Variants in CACNG3 observed in about 807,000 individuals in gnomAD.
CACNG3 encodes the protein calcium voltage-gated channel auxiliary subunit gamma 3.
CACNG3 carries 3 observed loss-of-function variants against 28.5 expected under a neutral mutation model. The observed-to-expected ratio is 0.11, with a 90% CI of 0.05 to 0.27. The LOEUF (loss-of-function observed/expected upper bound fraction) is 0.27. CACNG3 is among the 10% of genes least tolerant of loss of function. The probability of loss-of-function intolerance (pLI) is 1.00; values close to 1 mark genes in which losing one functional copy is unlikely to be tolerated. For missense variants in CACNG3, 236 were observed against 414.4 expected (o/e 0.57, Z 3.74); for synonymous variants, 174 against 162.2 (o/e 1.07, Z -0.55).
intron 1 of CACNG3, among the ~76,000 whole-genome samples, chr16:24,306,882 C>A (rs958732017): frequency 1.3e-5 from 2 of 152,122 alleles, no homozygotes; most frequent in South Asian, 4.1e-4. Flanking sequence ...AGTAAGAGAT[C>A]AAGACTGGCC....
At chr16:24,261,581 T>A (rs1312324288) in intron 1 of CACNG3, among the ~76,000 whole-genome samples, 1 of 152,244 alleles carries the variant, frequency 6.6e-6, no homozygotes, top group Non-Finnish European at 1.5e-5. Flanking sequence ...ATAGCACTTT[T>A]AATATGAATT....
chr16:24,298,117 T>A (rs1244854490), intron 1 of CACNG3, among the ~76,000 whole-genome samples: 1 of 152,148 alleles, frequency 6.6e-6, no homozygotes, highest in Non-Finnish European at 1.5e-5. Flanking sequence ...ATAATTATCT[T>A]TATATTCTCT....
intron 1 of CACNG3, among the ~76,000 whole-genome samples, chr16:24,265,359 GAAAGAAAGAAA>G (rs1297747124): frequency 2.8e-4 from 36 of 129,934 alleles, no homozygotes; most frequent in African/African-American, 4.9e-4. Flanking sequence ...AGGAAAGAAA[GAAAGAAAGAAA>G]AAAGAAAGAA....
intron 1 of CACNG3, among the ~76,000 whole-genome samples, chr16:24,317,665 A>AAAGAAAGAAAGAAAG (rs1899394590): frequency 1.1e-5 from 1 of 95,046 alleles, no homozygotes; most frequent in Non-Finnish European, 2.1e-5. Flanking sequence ...AGAAAGAAAG[A>AAAGAAAGAAAGAAAG]AAGAAAGAAA....
At chr16:24,281,860 T>C (rs1164852848) in intron 1 of CACNG3, among the ~76,000 whole-genome samples, 2 of 152,208 alleles carry the variant, frequency 1.3e-5, no homozygotes, top group Admixed American at 6.5e-5. Context: ...AACAAAACTA[T>C]AGCAAGATTA....
intron 1 of CACNG3, among the ~76,000 whole-genome samples, chr16:24,330,866 G>A (rs984443859): frequency 6.6e-6 from 1 of 152,178 alleles, no homozygotes; most frequent in Non-Finnish European, 1.5e-5. Flanking sequence ...ACAGTGAAAT[G>A]ATCAGGGTGA....
intron 1 of CACNG3, among the ~76,000 whole-genome samples, chr16:24,307,093 C>T (rs925414718): frequency 6.6e-6 from 1 of 152,112 alleles, no homozygotes; most frequent in African/African-American, 2.4e-5. Context: ...TCTAGCTTGC[C>T]TTCTTTCTGG....
intron 2 of CACNG3, among the ~76,000 whole-genome samples, chr16:24,353,437 C>A (rs118161808): frequency 0.02 from 2,996 of 152,334 alleles, 28 homozygotes; most frequent in Non-Finnish European, 0.031. Context: ...CCTGGACCCA[C>A]CAGAAAATAC....
intron 1 of CACNG3, among the ~76,000 whole-genome samples, chr16:24,268,087 T>G (rs1898638754): frequency 6.6e-6 from 1 of 152,080 alleles, no homozygotes; most frequent in Admixed American, 6.5e-5. Flanking sequence ...CTGATTTATT[T>G]GAGAGATAGA....
At chr16:24,283,301 A>G (rs1456721366) in intron 1 of CACNG3, among the ~76,000 whole-genome samples, 2 of 152,202 alleles carry the variant, frequency 1.3e-5, no homozygotes, top group Admixed American at 1.3e-4. Flanking sequence ...AATGATCGAC[A>G]TCTTTAGGAT....
chr16:24,296,708 T>A (rs559130641), intron 1 of CACNG3, among the ~76,000 whole-genome samples: 1 of 152,320 alleles, frequency 6.6e-6, no homozygotes, highest in East Asian at 1.9e-4. Context: ...TAACTTTATA[T>A]TATAAAACTA....
At chr16:24,268,386 C>T (rs1366860112) in intron 1 of CACNG3, among the ~76,000 whole-genome samples, 2 of 152,156 alleles carry the variant, frequency 1.3e-5, no homozygotes, top group Non-Finnish European at 2.9e-5. Flanking sequence ...ATCATCACAC[C>T]ACACTGCCTT....
chr16:24,361,854 G>A lies in CACNG3; in HGVS notation c.939G>A (p.Thr313=), dbSNP rs971445303. Residue 313 remains threonine, a synonymous_variant, in exon 4 of 4, where the codon ACG becomes ACA. Transcript: ENST00000005284. This position sits in a 1 kb window ranked among gnomAD's most constrained non-coding sequence, Gnocchi z 6.8. The stretch of plus-strand genomic sequence containing the variant: ...ATAATCCGGCCAACAGGCGCACCAC[G>A]CCCGTCTGAACTGACCTCTGACCTC... The part of the protein sequence containing the change: ...LHNNPANRRT[T]PV 2 of 1,604,834 alleles carry A rather than the reference G, an allele frequency of 1.2e-6. No individual in the cohort carries two copies. Among genetic ancestry groups the A allele is most frequent in the Non-Finnish European group, 8.5e-7 (1 of 1,178,352 alleles).
At chr16:24,266,220 A>T (rs1261558613) in intron 1 of CACNG3, among the ~76,000 whole-genome samples, 2 of 152,168 alleles carry the variant, frequency 1.3e-5, no homozygotes, top group African/African-American at 2.4e-5. Flanking sequence ...AGAAAGGAAC[A>T]CTATAGATAA....
chr16:24,351,733 G>A (rs1470115921), intron 2 of CACNG3, among the ~76,000 whole-genome samples: 1 of 85,516 alleles, frequency 1.2e-5, no homozygotes, highest in Non-Finnish European at 2.3e-5. Context: ...GGGAGAGAGA[G>A]AGAAAGGAAG....
At chr16:24,293,495 G>A (rs960410281) in intron 1 of CACNG3, among the ~76,000 whole-genome samples, 4 of 152,044 alleles carry the variant, frequency 2.6e-5, no homozygotes, top group African/African-American at 7.2e-5. Context: ...AGCTCTCAGG[G>A]CCCTCAGTTC....
chr16:24,317,602 G>GAAAGAAAGAAAGGA (rs1899377392), intron 1 of CACNG3, among the ~76,000 whole-genome samples: 3 of 62,514 alleles, frequency 4.8e-5, no homozygotes, highest in Non-Finnish European at 9.0e-5. Flanking sequence ...AAGAAAGAAA[G>GAAAGAAAGAAAGGA]AAAGAAAGAA....
Position 24,256,641 on chromosome 16 carries a change from G to A in CACNG3, c.-114G>A. 1 of 730,372 alleles carries A rather than the reference G, an allele frequency of 1.4e-6. No homozygotes were observed. Among genetic ancestry groups the A allele is most frequent in the Non-Finnish European group, 2.5e-6 (1 of 404,310 alleles). 45.2% of individuals were successfully genotyped at this position (730,372 alleles called of 1,614,324 possible). On this transcript the variant is annotated 5_prime_UTR_variant, in exon 1 of 4. Transcript: ENST00000005284. The surrounding 1 kb of genome is among the most constrained non-coding windows in gnomAD (Gnocchi z 4.6). ...GTCCCTGTGGATGCTGACAAAAGGA[G>A]ACCTGAATTTTTGGAAGAGCCTGTA...
intron 1 of CACNG3, among the ~76,000 whole-genome samples, chr16:24,276,304 T>C (rs1596624019): frequency 6.6e-6 from 1 of 152,350 alleles, no homozygotes; most frequent in East Asian, 1.9e-4. Flanking sequence ...TTCAAATGAA[T>C]TTTAAAATAA....
Sources: allele counts gnomAD v4.1 joint callset (sites outside exome capture counted in the v4.1 genomes callset), GRCh38; gene constraint gnomAD v4.1.1; non-coding constraint Gnocchi (gnomAD v3.1); transcripts MANE v1.5; gene names NCBI Gene and HGNC (gene_info 2026-07-23, HGNC 2026-07-21).